FSTL5: variants seen among roughly 807,000 people sequenced by gnomAD.
FSTL5 encodes follistatin-related protein 5.
Under a neutral mutation model 89.1 loss-of-function variants are expected in FSTL5, and 62 were observed. The ratio of observed to expected loss-of-function variants is 0.70; its 90% confidence interval spans 0.57 to 0.86. The LOEUF is 0.86. FSTL5 is among the 40% of genes least tolerant of loss of function. FSTL5 has a pLI of 0.00. For missense variants in FSTL5, 1,057 were observed against 1,001.6 expected (o/e 1.06, Z -0.75); for synonymous variants, 383 against 346.2 (o/e 1.11, Z -1.18).
At chr4:161,817,958 C>T (rs1413104885) in intron 4 of FSTL5, among the ~76,000 whole-genome samples, 2 of 152,122 alleles carry the variant, frequency 1.3e-5, no homozygotes, top group Non-Finnish European at 2.9e-5. Context: ...TCGGGGTCCA[C>T]CCCCACGGAC....
At chr4:161,580,825 T>C (rs1468823192) in intron 8 of FSTL5, among the ~76,000 whole-genome samples, 1 of 152,156 alleles carries the variant, frequency 6.6e-6, no homozygotes, top group Non-Finnish European at 1.5e-5. Flanking sequence ...GCAATTACTT[T>C]TGCACTAAAC....
At chr4:162,040,504 G>A (rs1340099233) in intron 2 of FSTL5, among the ~76,000 whole-genome samples, 1 of 151,800 alleles carries the variant, frequency 6.6e-6, no homozygotes, top group South Asian at 2.1e-4. Flanking sequence ...CTATTTTGGC[G>A]GTGGCAATTA....
At chr4:162,084,390 A>C (rs1338212096) in intron 2 of FSTL5, among the ~76,000 whole-genome samples, 1 of 152,032 alleles carries the variant, frequency 6.6e-6, no homozygotes, top group East Asian at 1.9e-4. Flanking sequence ...CCAGTCAATC[A>C]TTTGGAAAAA....
intron 2 of FSTL5, among the ~76,000 whole-genome samples, chr4:162,041,314 T>C (rs1737947010): frequency 6.6e-6 from 1 of 151,294 alleles, no homozygotes; most frequent in Admixed American, 6.6e-5. Flanking sequence ...GAGTGCATGA[T>C]AAGACTGCAA....
At chr4:161,525,569 T>C (rs28385347) in intron 10 of FSTL5, among the ~76,000 whole-genome samples, 4,095 of 152,162 alleles carry the variant, frequency 0.027, 174 homozygotes, top group African/African-American at 0.092. Context: ...AAATACTCAA[T>C]TCAAATTAAA....
At chr4:161,914,659 T>A (rs1312950568) in intron 4 of FSTL5, among the ~76,000 whole-genome samples, 1 of 152,172 alleles carries the variant, frequency 6.6e-6, no homozygotes, top group Non-Finnish European at 1.5e-5. Context: ...ATTGGAAAAT[T>A]GATCACCACC....
chr4:161,798,717 T>C (rs1454371389), intron 4 of FSTL5, among the ~76,000 whole-genome samples: 1 of 151,582 alleles, frequency 6.6e-6, no homozygotes, highest in Non-Finnish European at 1.5e-5. Context: ...CAATATAATC[T>C]GGTGATAGGA....
At chr4:161,911,166 A>C (rs1185206578) in intron 4 of FSTL5, among the ~76,000 whole-genome samples, 1 of 152,144 alleles carries the variant, frequency 6.6e-6, no homozygotes, top group East Asian at 1.9e-4. Flanking sequence ...GATTTATGTT[A>C]GAAATAAGCA....
chr4:161,870,345 CACACACACACACGT>C, intron 4 of FSTL5, among the ~76,000 whole-genome samples: 1 of 151,146 alleles, frequency 6.6e-6, no homozygotes, highest in Non-Finnish European at 1.5e-5. Flanking sequence ...TTCAATCATA[CACACACACACACGT>C]ACACACACAC....
At chr4:161,503,276 T>C (rs1730364143) in intron 11 of FSTL5, among the ~76,000 whole-genome samples, 1 of 151,810 alleles carries the variant, frequency 6.6e-6, no homozygotes, top group African/African-American at 2.4e-5. Flanking sequence ...CAGGTATCTA[T>C]TCATTATAAC....
In FSTL5 at chr4:161,619,767, G is replaced by A. The variant is rs534767081; in HGVS notation, c.895-32192C>T. On this transcript the variant is annotated intron_variant, in intron 7 of 15. Coordinates refer to ENST00000306100, the MANE Select transcript of FSTL5 (RefSeq NM_020116.5). ...GACTGTAAACTAGTTCAACCATTGT[G>A]GAAGTCAGTGTGGCGATTCCTCAGG... Among the ~76,000 whole-genome samples, 259 of 152,192 alleles carry A rather than the reference G, an allele frequency of 1.7e-3. 2 individuals carry two copies. Among genetic ancestry groups the A allele is most frequent in the African/African-American group, 5.8e-3 (240 of 41,514 alleles).
At chr4:161,592,291 T>A (rs1443308299) in intron 7 of FSTL5, among the ~76,000 whole-genome samples, 1 of 152,144 alleles carries the variant, frequency 6.6e-6, no homozygotes, top group Non-Finnish European at 1.5e-5. Context: ...TTATCATTAT[T>A]ATACATTAAG....
intron 12 of FSTL5, among the ~76,000 whole-genome samples, chr4:161,484,023 G>T (rs1729600022): frequency 6.6e-6 from 1 of 152,044 alleles, no homozygotes; most frequent in South Asian, 2.1e-4. Context: ...TTCCCAAAAT[G>T]TTAAGGAGTA....
chr4:161,812,512 A>AG (rs1730182961), intron 4 of FSTL5, among the ~76,000 whole-genome samples: 1 of 26,234 alleles, frequency 3.8e-5, no homozygotes, highest in African/African-American at 9.7e-5. Context: ...TCTGTAGTTA[A>AG]GAAAAACACA....
chr4:161,965,768 T>A (rs1266967675), intron 3 of FSTL5, among the ~76,000 whole-genome samples: 5 of 152,090 alleles, frequency 3.3e-5, no homozygotes, highest in African/African-American at 7.2e-5. Context: ...ACTTAATTGG[T>A]GAGAAGACGG....
rs375290754 is a variant in FSTL5 at position 162,109,266 on chromosome 4, T to C, written c.126+2005A>G. On this transcript the variant is annotated intron_variant, in intron 2 of 15. Coordinates refer to ENST00000306100, the MANE Select transcript of FSTL5 (RefSeq NM_020116.5). ...ATTCCTGAGGGCTGAATATGAGGGTTGACAATGAGTACAAAGTGTAAGATG... is the reference window on the plus strand; with the variant it reads ...ATTCCTGAGGGCTGAATATGAGGGTCGACAATGAGTACAAAGTGTAAGATG... Among the ~76,000 whole-genome samples, 15 of 152,156 alleles carry C rather than the reference T, an allele frequency of 9.9e-5. 1 individual carries two copies. The East Asian group carries it at 2.9e-3, about 29-fold the overall frequency.
At chr4:161,887,434 CT>C (rs1324665086) in intron 4 of FSTL5, among the ~76,000 whole-genome samples, 36 of 140,642 alleles carry the variant, frequency 2.6e-4, no homozygotes, top group African/African-American at 9.6e-4. Flanking sequence ...TATCATCTAT[CT>C]ACCTATCATC....
At chr4:161,598,935 T>C (rs1201700312) in intron 7 of FSTL5, among the ~76,000 whole-genome samples, 1 of 152,138 alleles carries the variant, frequency 6.6e-6, no homozygotes, top group Non-Finnish European at 1.5e-5. Context: ...GGATATTGGA[T>C]GACATTTTAA....
intron 3 of FSTL5, among the ~76,000 whole-genome samples, chr4:161,980,263 AAGAAAGAAAGAAAGAAAGAAAGAAAG>A (rs1471828923): frequency 0.026 from 10 of 378 alleles, no homozygotes; most frequent in Non-Finnish European, 0.053. Context: ...AGAAAGAAAA[AAGAAAGAAAGAAAGAAAGAAAGAAAG>A]AGAAAGAAAG....
Sources: gnomAD v4.1 joint callset for allele counts (sites outside exome capture counted in the v4.1 genomes callset) on GRCh38, gnomAD v4.1.1 for gene constraint, MANE v1.5 for transcripts, NCBI Gene and HGNC (gene_info 2026-07-23, HGNC 2026-07-21) for gene names.